Variants in MASP1 observed in about 807,000 individuals in gnomAD.
The protein encoded by MASP1 is MBL associated serine protease 1, also known as mannan-binding lectin serine protease 1.
MASP1 carries 59 observed loss-of-function variants against 77.1 expected under a neutral mutation model. The observed-to-expected ratio is 0.77, with a 90% CI of 0.62 to 0.95. The LOEUF is 0.95. Ranked by LOEUF, MASP1 falls within the 40% of genes least tolerant of loss-of-function variation. The pLI, the probability that MASP1 is intolerant of heterozygous loss-of-function variation, is 0.00. For synonymous variants in MASP1, 362 were observed against 354.5 expected (o/e 1.02, Z -0.24); for missense variants, 885 against 912.9 (o/e 0.97, Z 0.39).
At chr3:187,276,594 C>CA (rs1716986084) in intron 2 of MASP1, 1 of 152,346 alleles carries the variant, frequency 6.6e-6, no homozygotes, top group Admixed American at 6.5e-5. Context: ...CACACTCACC[C>CA]ACATGCTCTT....
At chr3:187,230,694 A>C (rs1161702528), downstream of MASP1, among the ~76,000 whole-genome samples, 4 of 152,048 alleles carry the variant, frequency 2.6e-5, no homozygotes, top group South Asian at 6.2e-4. Flanking sequence ...CCACATACAC[A>C]CTTTACAACT....
At position 187,236,426 on chromosome 3, in the gene MASP1, C is replaced by A; in HGVS notation, c.1445G>T (p.Gly482Val). The change falls in exon 11 of 11, where the codon GGG becomes GTG. Residue 482 changes from glycine to valine, a missense_variant. By Grantham distance (109) the Gly-to-Val change is moderately radical. Transcript: ENST00000296280. ...TSRVPNDKWF[G>V]SGALLSASWI... is the part of the protein sequence containing the mutation. ...GGACGCAGAGAGCAGGGCCCCACTC[C>A]CAAACCACTTGTCATTTGGCACTCT... The A allele has an allele frequency of 6.2e-7, 1 of 1,614,234 alleles. No individual in the cohort carries two copies. The highest frequency in any genetic ancestry group is 8.5e-7 in the Non-Finnish European group (1 of 1,180,048).
intron 10 of MASP1, among the ~76,000 whole-genome samples, chr3:187,238,524 T>A (rs1713362546): frequency 6.6e-6 from 1 of 152,172 alleles, no homozygotes; most frequent in Non-Finnish European, 1.5e-5. Context: ...GAGAAAGGGA[T>A]CTTCTTGAAA....
intron 2 of MASP1, among the ~76,000 whole-genome samples, chr3:187,268,666 T>C (rs1716261880): frequency 1.3e-5 from 2 of 152,206 alleles, no homozygotes; most frequent in South Asian, 2.1e-4. Context: ...TGGTTGTGTA[T>C]GGCAATGTAC....
intron 2 of MASP1, among the ~76,000 whole-genome samples, chr3:187,275,853 G>A (rs1026082883): frequency 1.8e-4 from 27 of 146,454 alleles, no homozygotes; most frequent in Non-Finnish European, 3.4e-4. Flanking sequence ...AACGTAAAAA[G>A]TGGACATTAA....
exon 16 of MASP1, chr3:187,220,249 G>T (rs556578129): frequency 1.9e-6 from 3 of 1,614,074 alleles, no homozygotes; most frequent in South Asian, 1.1e-5. Flanking sequence ...ACCCGCACAG[G>T]CGTCCTTTCC....
chr3:187,284,031 C>T (rs1398182284), intron 2 of MASP1, among the ~76,000 whole-genome samples: 1 of 152,112 alleles, frequency 6.6e-6, no homozygotes, highest in Non-Finnish European at 1.5e-5. Context: ...CTGGTTGATC[C>T]TTGTGACCCT....
chr3:187,239,312 C>A (rs1206534851), intron 10 of MASP1, among the ~76,000 whole-genome samples: 1 of 152,074 alleles, frequency 6.6e-6, no homozygotes, highest in Non-Finnish European at 1.5e-5. Context: ...GAGATCGCAC[C>A]ATTGCACGCA....
chr3:187,243,490 T>C lies in MASP1; in HGVS notation c.1222A>G (p.Asn408Asp). The change falls in exon 9 of 11, where the codon AAC becomes GAC. Residue 408 changes from asparagine (N) to aspartate (D), a missense_variant. Asn to Asp is a conservative substitution (Grantham distance 23). Coordinates refer to ENST00000296280, the MANE Select transcript of MASP1 (RefSeq NM_139125.4). ...CTTAGCATGGATGGCTTACCTGTGTTATTGTTGAGCATCTTGTAATAGGGC... is the reference window on the plus strand; with the variant it reads ...CTTAGCATGGATGGCTTACCTGTGTCATTGTTGAGCATCTTGTAATAGGGC... ...QEPYYKMLNN[N>D]TGIYTCSAQG... 1 of 1,614,150 alleles carries C rather than the reference T, an allele frequency of 6.2e-7. No individual in the cohort carries two copies. Among genetic ancestry groups the C allele is most frequent in the Non-Finnish European group, 8.5e-7 (1 of 1,180,006 alleles).
chr3:187,236,461 C>T lies in MASP1; in HGVS notation c.1410G>A (p.Glu470=). 1 of 1,614,016 alleles carries T rather than the reference C, an allele frequency of 6.2e-7. No homozygotes were observed. The highest frequency in any genetic ancestry group is 8.5e-7 in the Non-Finnish European group (1 of 1,179,974). The change falls in exon 11 of 11, where the codon GAG becomes GAA. Residue 470 remains glutamate (E), a synonymous_variant. Coordinates refer to ENST00000296280, the MANE Select transcript of MASP1 (RefSeq NM_139125.4). ...LFPWQALIVV[E]DTSRVPNDKW... is the part of the protein sequence containing the mutation. Reference sequence around the variant, plus strand: ...TGTCATTTGGCACTCTCGAAGTGTCCTCCACCACTATCAGGGCCTGCCACG... The same window carrying T: ...TGTCATTTGGCACTCTCGAAGTGTCTTCCACCACTATCAGGGCCTGCCACG...
chr3:187,221,004 G>A (rs201569927), intron 15 of MASP1: 579 of 1,559,674 alleles, frequency 3.7e-4, no homozygotes, highest in Non-Finnish European at 4.6e-4. Flanking sequence ...GGCTGGCAGC[G>A]CCCCTGTTGT....
chr3:187,226,828 G>A (rs1712465726), intron 11 of MASP1, among the ~76,000 whole-genome samples: 1 of 152,214 alleles, frequency 6.6e-6, no homozygotes, highest in South Asian at 2.1e-4. Context: ...CAAGGTGGGT[G>A]CACAGAAAGC....
chr3:187,233,995 G>A, downstream of MASP1: 1 of 952,078 alleles, frequency 1.1e-6, no homozygotes. Context: ...GGAGATTTTG[G>A]TTTAATGAGG....
chr3:187,243,600 C>A lies in MASP1; in HGVS notation c.1112G>T (p.Gly371Val). 2 of 1,614,212 alleles carry A rather than the reference C, an allele frequency of 1.2e-6. No individual in the cohort carries two copies. Among genetic ancestry groups the A allele is most frequent in the Non-Finnish European group, 1.7e-6 (2 of 1,180,046 alleles). ...TCKIVDCRAP[G>V]ELEHGLITFS... ...GGTGATCAGCCCGTGTTCCAGCTCT[C>A]CTGGGGCTCTACAGTCTACAACTGA... is the stretch of plus-strand genomic sequence containing the variant. The change falls in exon 9 of 11, where the codon GGA becomes GTA. Residue 371 changes from glycine (G) to valine (V), a missense_variant. Transcript: ENST00000296280.
chr3:187,221,190 C>A (rs1712039819), intron 14 of MASP1: 2 of 1,296,918 alleles, frequency 1.5e-6, no homozygotes, highest in Non-Finnish European at 2.2e-6. Context: ...CTCTGCTATT[C>A]TGACACCCCT....
intron 1 of MASP1, among the ~76,000 whole-genome samples, chr3:187,290,530 T>TA (rs1203420829): frequency 6.6e-6 from 1 of 152,184 alleles, no homozygotes; most frequent in East Asian, 1.9e-4. Context: ...GGTTTAAAAT[T>TA]ACTATGGCTT....
rs777594548 is a variant in MASP1 at position 187,291,735 on chromosome 3, T to A, written c.-103A>T. The A allele has an allele frequency of 7.1e-7, 1 of 1,403,632 alleles. No individual in the cohort carries two copies. The highest frequency in any genetic ancestry group is 1.0e-6 in the Non-Finnish European group (1 of 988,218). 86.9% of individuals were successfully genotyped at this position (1,403,632 alleles called of 1,614,324 possible). A position where few individuals can be genotyped will look rare whatever the true frequency, so the allele number is the denominator to read the frequency against. On this transcript the variant is annotated 5_prime_UTR_variant, in exon 1 of 11. Transcript: ENST00000296280. ...GGTGTCCGTGATGCCTTATCTTTGT[T>A]CTGAGGTCCCTGTGTGTCTCTGGAA...
At position 187,241,573 on chromosome 3, in the gene MASP1, G is replaced by T; in HGVS notation, c.1229-18C>A. 7 of 1,543,444 alleles carry T rather than the reference G, an allele frequency of 4.5e-6. No homozygotes were observed. The highest frequency in any genetic ancestry group is 6.3e-6 in the Non-Finnish European group (7 of 1,115,476). ...ATATATACCTGGATTAGTGAAAGAG[G>T]TTAGGAGAGGAGGGAGAAAATGGTT... On this transcript the variant is annotated intron_variant, in intron 9 of 10. Transcript: ENST00000296280.
rs1187489488 is a variant in MASP1 at position 187,235,089 on chromosome 3, T to C, written c.*595A>G. 1 of 1,287,288 alleles carries C rather than the reference T, an allele frequency of 7.8e-7. No individual in the cohort carries two copies. The highest frequency in any genetic ancestry group is 1.2e-5 in the South Asian group (1 of 80,934). The allele number at this position is 1,287,288 out of a possible 1,614,324, so 79.7% of individuals were successfully genotyped here. A position where few individuals can be genotyped will look rare whatever the true frequency, so the allele number is the denominator to read the frequency against. On this transcript the variant is annotated 3_prime_UTR_variant, in exon 11 of 11. Transcript: ENST00000296280. ...ATAAGGCTTAGACTGCAAGAAGCTTTTGGGAGAGAAACCCCAGGCATGAAG... is the reference window on the plus strand; with the variant it reads ...ATAAGGCTTAGACTGCAAGAAGCTTCTGGGAGAGAAACCCCAGGCATGAAG...
Sources: gnomAD v4.1 joint callset for allele counts (sites outside exome capture counted in the v4.1 genomes callset) on GRCh38, gnomAD v4.1.1 for gene constraint, MANE v1.5 for transcripts, NCBI Gene and HGNC (gene_info 2026-07-23, HGNC 2026-07-21) for gene names.